The following GLIS3 variants were observed in gnomAD, a reference collection of about 807,000 sequenced individuals.
GLIS3 encodes the protein zinc finger protein GLIS3.
Under a neutral mutation model 78.6 loss-of-function variants are expected in GLIS3, and 53 were observed. The observed-to-expected ratio is 0.67, with a 90% confidence interval of 0.54 to 0.85. The LOEUF (loss-of-function observed/expected upper bound fraction) is 0.85. GLIS3 is among the 40% of genes least tolerant of loss of function. The pLI, the probability that GLIS3 is intolerant of heterozygous loss-of-function variation, is 0.00. For missense variants in GLIS3, 1,703 were observed against 1,231.1 expected, an observed-to-expected ratio of 1.38 and a Z score of -5.74; for synonymous variants, 684 against 509.9, an observed-to-expected ratio of 1.34 and a Z score of -4.60.
At chr9:3,830,968 G>T (rs1218601474) in intron 9 of GLIS3, among the ~76,000 whole-genome samples, 1 of 152,104 alleles carries the variant, frequency 6.6e-6, no homozygotes, top group African/African-American at 2.4e-5. Context: ...CTATTCTATG[G>T]TTGTTATGAA....
chr9:4,328,581 A>C (rs556865749), intron 2 of GLIS3, among the ~76,000 whole-genome samples: 1 of 152,338 alleles, frequency 6.6e-6, no homozygotes, highest in African/African-American at 2.4e-5. Context: ...AAGAAAGATA[A>C]AGCTCCTGAC....
At chr9:4,430,828 A>T in the GLIS3 span, among the ~76,000 whole-genome samples, 1 of 152,232 alleles carries the variant, frequency 6.6e-6, no homozygotes, top group African/African-American at 2.4e-5. Context: ...CACTTCCAGC[A>T]TGCCAGAAAT....
At chr9:3,953,795 C>CTCTCTCTCTCTATATATATA (rs1403671770) in intron 4 of GLIS3, among the ~76,000 whole-genome samples, 12 of 73,302 alleles carry the variant, frequency 1.6e-4, no homozygotes, top group African/African-American at 6.3e-4. Flanking sequence ...CTCTCTCTCT[C>CTCTCTCTCTCTATATATATA]TATATATATA....
intron 2 of GLIS3, among the ~76,000 whole-genome samples, chr9:4,317,273 T>C (rs907418812): frequency 9.2e-5 from 14 of 152,238 alleles, no homozygotes; most frequent in African/African-American, 3.4e-4. Context: ...CATCAATCCT[T>C]AGCACAGCCT....
intron 2 of GLIS3, among the ~76,000 whole-genome samples, chr9:4,344,502 G>T (rs1478145868): frequency 6.6e-6 from 1 of 152,198 alleles, no homozygotes. Context: ...TAAGTGTAAA[G>T]TAACCCAGAG....
At chr9:3,976,327 T>C (rs946227892) in intron 4 of GLIS3, among the ~76,000 whole-genome samples, 4 of 152,152 alleles carry the variant, frequency 2.6e-5, no homozygotes, top group Non-Finnish European at 4.4e-5. Flanking sequence ...TTTCCACACT[T>C]GTCCAAGAGG....
intron 9 of GLIS3, among the ~76,000 whole-genome samples, chr9:3,836,422 G>T (rs1007729338): frequency 2.0e-5 from 3 of 152,234 alleles, no homozygotes; most frequent in Non-Finnish European, 2.9e-5. Context: ...TGCATATGCA[G>T]GGACATGTAG....
intron 4 of GLIS3, among the ~76,000 whole-genome samples, chr9:4,067,814 T>A (rs1030807646): frequency 4.5e-5 from 6 of 132,606 alleles, no homozygotes; most frequent in African/African-American, 8.4e-5. Flanking sequence ...AAAAAAAAAA[T>A]ATATGGTTAC....
chr9:3,844,163 ATTGTTT>A (rs1465117269), intron 9 of GLIS3, among the ~76,000 whole-genome samples: 2 of 152,110 alleles, frequency 1.3e-5, no homozygotes, highest in South Asian at 2.1e-4. Context: ...CTAGCATTCT[ATTGTTT>A]TTGTTGTTCT....
At chr9:4,234,684 C>T (rs1221483429) in intron 2 of GLIS3, among the ~76,000 whole-genome samples, 3 of 152,124 alleles carry the variant, frequency 2.0e-5, no homozygotes, top group East Asian at 1.9e-4. Flanking sequence ...TGCACTTACT[C>T]GATGCAGGTT....
At chr9:4,098,718 G>A (rs984669639) in intron 4 of GLIS3, among the ~76,000 whole-genome samples, 4 of 151,932 alleles carry the variant, frequency 2.6e-5, no homozygotes, top group Non-Finnish European at 4.4e-5. Flanking sequence ...TCTGTTTATC[G>A]TAAAAAGTTT....
the GLIS3 span, among the ~76,000 whole-genome samples, chr9:4,423,142 C>T: frequency 6.6e-6 from 1 of 152,114 alleles, no homozygotes; most frequent in African/African-American, 2.4e-5. Context: ...CAACTCCGAT[C>T]ATTTCCCAGC....
chr9:4,415,185 G>C, the GLIS3 span, among the ~76,000 whole-genome samples: 70 of 152,226 alleles, frequency 4.6e-4, no homozygotes, highest in African/African-American at 1.6e-3. Context: ...AAATGGATTA[G>C]GGATCTGTGA....
chr9:4,149,589 C>T (rs1834509438), intron 2 of GLIS3, among the ~76,000 whole-genome samples: 1 of 152,198 alleles, frequency 6.6e-6, no homozygotes, highest in Non-Finnish European at 1.5e-5. Context: ...GTGTAGGTAC[C>T]ATAAATGGTG....
chr9:4,063,937 C>T (rs1354452405), intron 4 of GLIS3, among the ~76,000 whole-genome samples: 1 of 152,010 alleles, frequency 6.6e-6, no homozygotes, highest in Non-Finnish European at 1.5e-5. Context: ...TAAAGAAGAA[C>T]AGATCACAAA....
chr9:4,020,025 A>G (rs1203433268), intron 4 of GLIS3, among the ~76,000 whole-genome samples: 9 of 152,212 alleles, frequency 5.9e-5, no homozygotes, highest in Admixed American at 3.9e-4. Context: ...CACTGGGATT[A>G]CAGGCATGAG....
At chr9:4,032,024 T>C (rs1563966744) in intron 4 of GLIS3, among the ~76,000 whole-genome samples, 1 of 152,100 alleles carries the variant, frequency 6.6e-6, no homozygotes, top group Non-Finnish European at 1.5e-5. Context: ...GAGGTCCTTT[T>C]AGCCTAGGCA....
At chr9:4,192,080 A>C (rs1244689150) in intron 2 of GLIS3, among the ~76,000 whole-genome samples, 4 of 152,180 alleles carry the variant, frequency 2.6e-5, no homozygotes, top group Non-Finnish European at 5.9e-5. Flanking sequence ...ATAAACATTG[A>C]GCATGGCAAA....
chr9:3,944,435 T>C (rs1816151905), intron 4 of GLIS3, among the ~76,000 whole-genome samples: 2 of 152,210 alleles, frequency 1.3e-5, no homozygotes, highest in African/African-American at 4.8e-5. Flanking sequence ...ATTCTATACA[T>C]ACAAGGTATC....
Sources: gnomAD v4.1 joint callset for allele counts (sites outside exome capture counted in the v4.1 genomes callset) on GRCh38, gnomAD v4.1.1 for gene constraint, MANE v1.5 for transcripts, NCBI Gene and HGNC (gene_info 2026-07-23, HGNC 2026-07-21) for gene names.